LEKR1: variants seen among roughly 807,000 people sequenced by gnomAD.
LEKR1 encodes leucine, glutamate and lysine rich 1, also known as protein LEKR1.
Under a neutral mutation model 72.4 loss-of-function variants are expected in LEKR1, and 59 were observed. The observed-to-expected ratio is 0.82, with a 90% CI of 0.66 to 1.01. LEKR1 has a LOEUF of 1.01. LEKR1 is among the 50% of genes least tolerant of loss of function. The probability of loss-of-function intolerance (pLI) is 0.00; values close to 1 mark genes in which losing one functional copy is unlikely to be tolerated. For missense variants in LEKR1, 728 were observed against 759.2 expected (o/e 0.96, Z 0.48); for synonymous variants, 257 against 263.2 (o/e 0.98, Z 0.23).
chr3:156,973,647 C>T (rs111620840), intron 6 of LEKR1, among the ~76,000 whole-genome samples: 38 of 152,020 alleles, frequency 2.5e-4, no homozygotes, highest in African/African-American at 7.7e-4. Flanking sequence ...CATTCATCAC[C>T]TTGAAAAGAG....
At chr3:157,012,322 T>C (rs2108023687) in intron 10 of LEKR1, among the ~76,000 whole-genome samples, 1 of 152,234 alleles carries the variant, frequency 6.6e-6, no homozygotes, top group South Asian at 2.1e-4. Context: ...TTATTATGTC[T>C]TAAATTTTCC....
intron 9 of LEKR1, 138 bp downstream of exon 9, chr3:156,993,415 A>T (rs11706305): frequency 2.0e-6 from 1 of 505,184 alleles, no homozygotes; most frequent in Non-Finnish European, 3.4e-6. Flanking sequence ...CTACAAGGTC[A>T]TTGCATCCCA....
At chr3:156,840,312 T>C (rs548632749) in intron 2 of LEKR1, among the ~76,000 whole-genome samples, 2 of 152,328 alleles carry the variant, frequency 1.3e-5, no homozygotes, top group East Asian at 3.9e-4. Flanking sequence ...ATATATCAAC[T>C]CATTTAATCT....
intron 3 of LEKR1, among the ~76,000 whole-genome samples, chr3:156,883,311 A>AGAT (rs1576736322): frequency 6.6e-6 from 1 of 152,178 alleles, no homozygotes; most frequent in Non-Finnish European, 1.5e-5. Context: ...TCTAGGAAGT[A>AGAT]ACTAACTTGC....
At chr3:156,874,291 G>C (rs1191501541) in intron 3 of LEKR1, among the ~76,000 whole-genome samples, 1 of 151,556 alleles carries the variant, frequency 6.6e-6, no homozygotes. Context: ...TTGTCTTTCA[G>C]TATTCTCTTT....
intron 7 of LEKR1, among the ~76,000 whole-genome samples, chr3:156,981,232 C>G (rs913373633): frequency 1.3e-5 from 2 of 152,052 alleles, no homozygotes; most frequent in Non-Finnish European, 2.9e-5. Context: ...GGAATGTACC[C>G]CTGTTGTAAA....
At chr3:156,950,650 C>T (rs1727074797) in intron 6 of LEKR1, among the ~76,000 whole-genome samples, 1 of 150,712 alleles carries the variant, frequency 6.6e-6, no homozygotes, top group Non-Finnish European at 1.5e-5. Context: ...GGATTGTGTT[C>T]CTGATATGGC....
chr3:156,846,620 C>G (rs1714633337), intron 2 of LEKR1, among the ~76,000 whole-genome samples: 1 of 152,086 alleles, frequency 6.6e-6, no homozygotes, highest in African/African-American at 2.4e-5. Context: ...TTCTCCTAAT[C>G]TGAATGATAT....
chr3:156,864,598 T>C (rs1386602525), intron 3 of LEKR1, among the ~76,000 whole-genome samples: 5 of 152,050 alleles, frequency 3.3e-5, no homozygotes, highest in Non-Finnish European at 7.4e-5. Context: ...CACATGCATA[T>C]ATCCCTCAGT....
chr3:156,894,725 C>T (rs1042198807), intron 3 of LEKR1, among the ~76,000 whole-genome samples: 5 of 152,096 alleles, frequency 3.3e-5, no homozygotes, highest in Admixed American at 6.5e-5. Flanking sequence ...AAAGAGAACC[C>T]AGAAATAAAG....
intron 3 of LEKR1, among the ~76,000 whole-genome samples, chr3:156,903,012 C>CT (rs950481152): frequency 2.6e-5 from 4 of 151,890 alleles, no homozygotes; most frequent in African/African-American, 7.3e-5. Flanking sequence ...TTGTATTACT[C>CT]TGAGTTTTTT....
intron 6 of LEKR1, among the ~76,000 whole-genome samples, chr3:156,956,978 G>A (rs772609260): frequency 7.9e-5 from 12 of 151,736 alleles, no homozygotes; most frequent in Non-Finnish European, 1.3e-4. Flanking sequence ...AGACTTTAAT[G>A]GTAAAGTTTT....
intron 10 of LEKR1, among the ~76,000 whole-genome samples, chr3:157,014,671 A>C (rs1241355718): frequency 2.0e-5 from 3 of 152,174 alleles, no homozygotes; most frequent in African/African-American, 7.2e-5. Flanking sequence ...TATATTTTTA[A>C]AAATGCAGTT....
At chr3:156,829,516 TATC>T in intron 2 of LEKR1, 139 bp downstream of exon 2, 1 of 558,862 alleles carries the variant, frequency 1.8e-6, no homozygotes, top group Non-Finnish European at 3.1e-6. Context: ...GAATAATTAT[TATC>T]ATAATGAGCA....
intron 3 of LEKR1, among the ~76,000 whole-genome samples, chr3:156,904,263 A>G (rs1722311685): frequency 6.6e-6 from 1 of 152,166 alleles, no homozygotes; most frequent in Non-Finnish European, 1.5e-5. Flanking sequence ...TGTTTTATAT[A>G]AACAACATGA....
At chr3:157,001,865 T>C (rs562947118) in intron 9 of LEKR1, among the ~76,000 whole-genome samples, 1 of 152,304 alleles carries the variant, frequency 6.6e-6, no homozygotes, top group South Asian at 2.1e-4. Context: ...AGAACCACTA[T>C]ATCCCCAGAG....
intron 10 of LEKR1, among the ~76,000 whole-genome samples, chr3:157,019,107 G>T (rs1733609578): frequency 6.6e-6 from 1 of 151,968 alleles, no homozygotes; most frequent in African/African-American, 2.4e-5. Flanking sequence ...ATTTATTTTA[G>T]GAGCCATATC....
intron 10 of LEKR1, among the ~76,000 whole-genome samples, chr3:157,022,574 ACTAGATGGATGGTAGAG>A (rs1302427628): frequency 4.6e-5 from 7 of 152,172 alleles, no homozygotes; most frequent in African/African-American, 9.7e-5. Context: ...AACTTGAGTA[ACTAGATGGATGGTAGAG>A]CTGTGTCCTG....
intron 7 of LEKR1, among the ~76,000 whole-genome samples, chr3:156,980,671 G>A (rs1730115370): frequency 6.6e-6 from 1 of 152,178 alleles, no homozygotes; most frequent in South Asian, 2.1e-4. Context: ...CCCAGCTACT[G>A]TGTGATGATT....
Sources: gnomAD v4.1 joint callset for allele counts (sites outside exome capture counted in the v4.1 genomes callset) on GRCh38, gnomAD v4.1.1 for gene constraint, MANE v1.5 for transcripts, NCBI Gene and HGNC (gene_info 2026-07-23, HGNC 2026-07-21) for gene names.